Variants in EMC8 observed in about 807,000 individuals in gnomAD.
EMC8 encodes COX4 neighbor.
In EMC8, 11 loss-of-function variants were observed where a neutral mutation model predicts 24.3. That is an observed-to-expected ratio of 0.45 (90% CI 0.28 to 0.75). The LOEUF (loss-of-function observed/expected upper bound fraction) is 0.75, where lower values mean the gene tolerates loss of function less well. EMC8 is among the 30% of genes least tolerant of loss of function. EMC8 has a pLI of 0.12. For synonymous variants in EMC8, 145 were observed against 117.7 expected (o/e 1.23, Z -1.50); for missense variants, 277 against 282.7 (o/e 0.98, Z 0.14).
At chr16:85,788,609 C>A (rs990886280) in intron 2 of EMC8, among the ~76,000 whole-genome samples, 3 of 152,226 alleles carry the variant, frequency 2.0e-5, no homozygotes, top group Admixed American at 6.5e-5. Context: ...GTCTATTTAC[C>A]GGCAAATAGA....
chr16:85,795,010 G>T (rs1225383993), intron 1 of EMC8, among the ~76,000 whole-genome samples: 2 of 152,210 alleles, frequency 1.3e-5, no homozygotes, highest in Non-Finnish European at 2.9e-5. Context: ...GAAAATTCAT[G>T]TACAGGTGAC....
At chr16:85,790,829 A>G (rs1256041116) in intron 1 of EMC8, among the ~76,000 whole-genome samples, 2 of 152,098 alleles carry the variant, frequency 1.3e-5, no homozygotes, top group Non-Finnish European at 2.9e-5. Context: ...TAGTGGCTTA[A>G]AACAACACTT....
Position 85,781,453 on chromosome 16 carries a change from T to A in EMC8, c.309-173A>T. 6.8e-6 allele frequency: 4 copies of A among 588,862 alleles called. No homozygotes were observed. The South Asian group carries it at 7.5e-5, about 11-fold the overall frequency. The allele number at this position is 588,862 out of a possible 1,614,324, so 36.5% of individuals were successfully genotyped here. A position where few individuals can be genotyped will look rare whatever the true frequency, so the allele number is the denominator to read the frequency against. ...TTATTATTTAATTTTTTGGTAGAGATAGGGTCTTGCTCTGCTGCCCTAGCT... is the reference window on the plus strand; with the variant it reads ...TTATTATTTAATTTTTTGGTAGAGAAAGGGTCTTGCTCTGCTGCCCTAGCT... On this transcript the variant is annotated intron_variant, in intron 2 of 4. Transcript: ENST00000253457.
In EMC8 at chr16:85,779,027, G is replaced by A. The variant is rs1904368570; in HGVS notation, c.*681C>T. The A allele has an allele frequency of 6.6e-6, 1 of 152,212 alleles. No homozygotes were observed. The highest frequency in any genetic ancestry group is 1.5e-5 in the Non-Finnish European group (1 of 68,032). 9.4% of individuals were successfully genotyped at this position (152,212 alleles called of 1,614,324 possible). A position where few individuals can be genotyped will look rare whatever the true frequency, so the allele number is the denominator to read the frequency against. On this transcript the variant is annotated 3_prime_UTR_variant, in exon 5 of 5. Transcript: ENST00000253457. ...CACGTGAGCTTTCTGCGTGGCTGAA[G>A]AGCACCACACTGAGCTCCTGCTACC...
At chr16:85,796,662 C>G (rs1182105021) in intron 1 of EMC8, among the ~76,000 whole-genome samples, 2 of 152,106 alleles carry the variant, frequency 1.3e-5, no homozygotes, top group African/African-American at 4.8e-5. Flanking sequence ...TCTCCAAACT[C>G]CCCCACTCGC....
intron 1 of EMC8, among the ~76,000 whole-genome samples, chr16:85,794,151 G>C (rs545022657): frequency 4.4e-4 from 67 of 152,284 alleles, no homozygotes; most frequent in African/African-American, 1.6e-3. Flanking sequence ...ATCTTCTATG[G>C]CTGATAACCT....
chr16:85,789,365 C>T (rs1485792297), intron 1 of EMC8, among the ~76,000 whole-genome samples: 4 of 152,176 alleles, frequency 2.6e-5, no homozygotes, highest in Non-Finnish European at 4.4e-5. Context: ...CTATAAAGAA[C>T]TGGGGCTTTA....
At chr16:85,794,869 G>A (rs888118323) in intron 1 of EMC8, among the ~76,000 whole-genome samples, 6 of 152,178 alleles carry the variant, frequency 3.9e-5, no homozygotes, top group Non-Finnish European at 7.3e-5. Flanking sequence ...AATGAGGCGC[G>A]GGAGCAAGGT....
chr16:85,792,365 T>G (rs936952121), intron 1 of EMC8: 1 of 152,222 alleles, frequency 6.6e-6, no homozygotes, highest in Non-Finnish European at 1.5e-5. Flanking sequence ...ACAAAAGCTC[T>G]GGCCTGGCTT....
At chr16:85,790,293 C>T (rs1318097763) in intron 1 of EMC8, among the ~76,000 whole-genome samples, 1 of 152,086 alleles carries the variant, frequency 6.6e-6, no homozygotes, top group East Asian at 1.9e-4. Context: ...CAGTTACAGT[C>T]CAAGGGTCCC....
chr16:85,786,956 T>C (rs1904783029), intron 2 of EMC8, among the ~76,000 whole-genome samples: 1 of 152,136 alleles, frequency 6.6e-6, no homozygotes, highest in African/African-American at 2.4e-5. Context: ...GGGAGGCCCC[T>C]GCCCTCATCT....
chr16:85,798,295 T>C (rs1905360304), intron 1 of EMC8, among the ~76,000 whole-genome samples: 1 of 151,830 alleles, frequency 6.6e-6, no homozygotes, highest in Non-Finnish European at 1.5e-5. Context: ...CTAAGTTTTG[T>C]ATTTTTAGTA....
intron 4 of EMC8, 48 bp from the exon 5 acceptor site, chr16:85,779,915 G>A (rs774129296): frequency 3.3e-5 from 51 of 1,567,710 alleles, no homozygotes; most frequent in East Asian, 9.0e-5. Context: ...GAAAACGGGC[G>A]GCTTGTAACA....
rs1040667701 is a variant in EMC8 at position 85,784,590 on chromosome 16, A to G, written c.309-3310T>C. 3.8e-4 allele frequency: 58 copies of G among 152,310 alleles called. 1 individual carries two copies. The highest frequency in any genetic ancestry group is 1.3e-3 in the African/African-American group (55 of 41,568). 9.4% of individuals were successfully genotyped at this position (152,310 alleles called of 1,614,324 possible). A position where few individuals can be genotyped will look rare whatever the true frequency, so the allele number is the denominator to read the frequency against. Reference sequence around the variant, plus strand: ...AGGTTTTCAGGTAGAAGCCAATCGTACTGAAGAAAGCAGTGCGATGGTGGC... The same window carrying G: ...AGGTTTTCAGGTAGAAGCCAATCGTGCTGAAGAAAGCAGTGCGATGGTGGC... On this transcript the variant is annotated intron_variant, in intron 2 of 4. Coordinates refer to ENST00000253457, the MANE Select transcript of EMC8 (RefSeq NM_006067.5).
intron 3 of EMC8, chr16:85,780,998 C>T: frequency 1.8e-6 from 1 of 567,796 alleles, no homozygotes; most frequent in Non-Finnish European, 3.1e-6. Context: ...GGCAGGGGAC[C>T]CCACTCCCAC....
intron 3 of EMC8, chr16:85,780,905 A>C (rs1904461613): frequency 2.1e-6 from 1 of 478,288 alleles, no homozygotes; most frequent in African/African-American, 1.9e-5. Context: ...TGCTGGGCTA[A>C]ACCCCCGCAT....
At chr16:85,796,051 G>C (rs987634553) in intron 1 of EMC8, among the ~76,000 whole-genome samples, 2 of 152,160 alleles carry the variant, frequency 1.3e-5, no homozygotes, top group African/African-American at 4.8e-5. Context: ...CAAGTGCTAA[G>C]ACCTGCTCTC....
rs1162132056 is a variant in EMC8 at position 85,779,287 on chromosome 16, C to A, written c.*421G>T. On this transcript the variant is annotated 3_prime_UTR_variant, in exon 5 of 5. Transcript: ENST00000253457. Reference sequence around the variant, plus strand: ...CGCCTGGACGACATCAAAATTCAAACAGGATAAAAACTCACAAACACACTC... The same window carrying A: ...CGCCTGGACGACATCAAAATTCAAAAAGGATAAAAACTCACAAACACACTC... 1.8e-5 allele frequency: 3 copies of A among 164,004 alleles called. No homozygotes were observed. Among genetic ancestry groups the A allele is most frequent in the African/African-American group, 7.3e-5 (3 of 41,102 alleles). The allele number at this position is 164,004 out of a possible 1,614,324, so 10.2% of individuals were successfully genotyped here. A position where few individuals can be genotyped will look rare whatever the true frequency, so the allele number is the denominator to read the frequency against.
chr16:85,798,879 CG>C (rs748339436), intron 1 of EMC8, 185 bp downstream of exon 1: 1 of 539,244 alleles, frequency 1.9e-6, no homozygotes, highest in Non-Finnish European at 3.3e-6. Flanking sequence ...GCTGCTACTA[CG>C]GGACGCTATT....
Sources: gnomAD v4.1 joint callset for allele counts (sites outside exome capture counted in the v4.1 genomes callset) on GRCh38, gnomAD v4.1.1 for gene constraint, MANE v1.5 for transcripts, NCBI Gene and HGNC (gene_info 2026-07-23, HGNC 2026-07-21) for gene names.